CAGE1: variants seen among roughly 807,000 people sequenced by gnomAD.
CAGE1 encodes cancer antigen 1.
Under a neutral mutation model 94.9 loss-of-function variants are expected in CAGE1, and 66 were observed. The observed-to-expected ratio is 0.70, with a 90% CI of 0.57 to 0.85. The LOEUF (loss-of-function observed/expected upper bound fraction) is 0.85. CAGE1 is among the 40% of genes least tolerant of loss of function. The pLI, the probability that CAGE1 is intolerant of heterozygous loss-of-function variation, is 0.00. For synonymous variants in CAGE1, 319 were observed against 321.0 expected (o/e 0.99, Z 0.07); for missense variants, 865 against 950.4 (o/e 0.91, Z 1.18).
intron 9 of CAGE1, among the ~76,000 whole-genome samples, chr6:7,364,068 CT>C (rs745990646): frequency 1.2e-4 from 19 of 152,218 alleles, no homozygotes; most frequent in Non-Finnish European, 2.4e-4. Flanking sequence ...CCAGCTCCCA[CT>C]GCTGGGAACA....
chr6:7,364,904 A>C (rs1377058733), intron 9 of CAGE1, among the ~76,000 whole-genome samples: 1 of 152,248 alleles, frequency 6.6e-6, no homozygotes, highest in East Asian at 1.9e-4. Context: ...CATTTAAAAA[A>C]TATGATGGTA....
At position 7,365,538 on chromosome 6, in the gene CAGE1, C is replaced by T. The variant is rs375800106; in HGVS notation, c.2123G>A (p.Arg708Lys). 4.3e-6 allele frequency: 7 copies of T among 1,612,320 alleles called. No individual in the cohort carries two copies. The highest frequency in any genetic ancestry group is 5.9e-6 in the Non-Finnish European group (7 of 1,178,652). Residue 708 changes from arginine to lysine, a missense_variant, in exon 9 of 14, where the codon AGA becomes AAA. Physicochemically the swap from Arg to Lys is conservative, Grantham distance 26 (BLOSUM62 2). Coordinates refer to ENST00000502583, the MANE Select transcript of CAGE1 (RefSeq NM_001170692.2). ...DCDSDEAKSI[R>K]DVPTLLGAKL... ...GGCTCCCAGAAGGGTAGGTACATCT[C>T]TGATACTCTTGGCTTCATCTGAATC...
chr6:7,365,601 CT>C, intron 8 of CAGE1, 26 bp from the exon 9 acceptor site: 1 of 1,589,708 alleles, frequency 6.3e-7, no homozygotes, highest in Non-Finnish European at 8.6e-7. Context: ...TTTGTTCTCA[CT>C]TTCAATCATT....
chr6:7,347,515 T>TGGGGGGGGGGGGGGGGG (rs1561853738), intron 11 of CAGE1: 2 of 15,350 alleles, frequency 1.3e-4, no homozygotes, highest in Non-Finnish European at 1.2e-4. Flanking sequence ...GGGGGGGGGG[T>TGGGGGGGGGGGGGGGGG]TGGGGGGGGC....
rs753524421 is a variant in CAGE1 at position 7,373,490 on chromosome 6, T to TTCTTGC, written c.1328_1329insGCAAGA (p.Lys443_Thr444insGlnGlu). On this transcript the variant is annotated inframe_insertion, in exon 5 of 14. Coordinates refer to ENST00000502583, the MANE Select transcript of CAGE1 (RefSeq NM_001170692.2). ...CCTCTTCTTCTTTCTTGCTTAAGGT[T>TTCTTGC]TTGTCCATCTCTAAATACTGACTTA... 3.7e-6 allele frequency: 6 copies of TTCTTGC among 1,613,930 alleles called. No individual in the cohort carries two copies. The East Asian group carries it at 1.3e-4, about 36-fold the overall frequency.
intron 13 of CAGE1, 138 bp from the exon 14 acceptor site, chr6:7,327,037 A>T (rs1055461440): frequency 1.5e-6 from 1 of 675,872 alleles, no homozygotes; most frequent in Non-Finnish European, 2.7e-6. Flanking sequence ...AATTCCACAG[A>T]TAATACCAAC....
chr6:7,360,871 C>T (rs2714329), intron 9 of CAGE1, among the ~76,000 whole-genome samples: 2,412 of 151,970 alleles, frequency 0.016, 85 homozygotes, highest in African/African-American at 0.055. Context: ...CACTTGAACC[C>T]GGGAGGTGGA....
chr6:7,337,875 A>C (rs1481773602), intron 11 of CAGE1, among the ~76,000 whole-genome samples: 3 of 152,176 alleles, frequency 2.0e-5, no homozygotes, highest in Admixed American at 6.5e-5. Context: ...CAGCTTGTTA[A>C]GTTTATTTAA....
Position 7,344,317 on chromosome 6 carries a change from C to A in CAGE1, c.2370-10227G>T, listed in dbSNP as rs532130384. The stretch of plus-strand genomic sequence containing the variant: ...TGGCGGGTCCCGCACTCGGAGCAGC[C>A]AGCCGGCCCTGCCAGCCCGGGCAAT... On this transcript the variant is annotated intron_variant, in intron 11 of 13. Transcript: ENST00000502583. Among the ~76,000 whole-genome samples, 12 of 152,350 alleles carry A rather than the reference C, an allele frequency of 7.9e-5. No individual in the cohort carries two copies. In the South Asian group the frequency reaches 2.5e-3, roughly 32 times the overall value.
At chr6:7,382,132 C>T (rs1760956426) in intron 3 of CAGE1, among the ~76,000 whole-genome samples, 1 of 152,114 alleles carries the variant, frequency 6.6e-6, no homozygotes. Flanking sequence ...GCCACCGTGC[C>T]CAGCCATTAT....
At chr6:7,359,564 C>T (rs1011574462) in intron 9 of CAGE1, among the ~76,000 whole-genome samples, 9 of 152,170 alleles carry the variant, frequency 5.9e-5, no homozygotes, top group African/African-American at 1.7e-4. Context: ...CAGCAACAGA[C>T]ATTTGACATA....
In CAGE1 at chr6:7,378,772, G is replaced by A. The variant is rs1002747017; in HGVS notation, c.532C>T (p.Leu178Phe). 3 of 1,613,822 alleles carry A rather than the reference G, an allele frequency of 1.9e-6. No individual in the cohort carries two copies. Among genetic ancestry groups the A allele is most frequent in the African/African-American group, 2.7e-5 (2 of 74,908 alleles). Residue 178 changes from leucine to phenylalanine, a missense_variant, in exon 4 of 14, where the codon CTT becomes TTT. Leu to Phe is a conservative substitution (Grantham distance 22). Coordinates refer to ENST00000502583, the MANE Select transcript of CAGE1 (RefSeq NM_001170692.2). ...ETSVSANTDQ[L>F]GNEYFRQPPP... ...GGCTGTCTAAAATACTCGTTACCAA[G>A]TTGGTCTGTATTTGCAGAAACACTA...
At chr6:7,334,243 C>T (rs1277414469) in intron 11 of CAGE1, among the ~76,000 whole-genome samples, 153 bp from the exon 12 acceptor site, 1 of 152,192 alleles carries the variant, frequency 6.6e-6, no homozygotes, top group Non-Finnish European at 1.5e-5. Context: ...ACTTGGGATT[C>T]TTTCCTAGCA....
At chr6:7,355,168 T>A in intron 10 of CAGE1, 57 bp from the exon 11 acceptor site, 1 of 1,266,896 alleles carries the variant, frequency 7.9e-7, no homozygotes, top group East Asian at 2.4e-5. Context: ...TATTTTTTTC[T>A]TTTTTATGAC....
chr6:7,349,703 C>T (rs552246926), intron 11 of CAGE1, among the ~76,000 whole-genome samples: 26 of 152,126 alleles, frequency 1.7e-4, no homozygotes, highest in Non-Finnish European at 3.2e-4. Context: ...GAGGCCAAGG[C>T]GGGTGGACCA....
chr6:7,335,722 A>G (rs938899322), intron 11 of CAGE1, among the ~76,000 whole-genome samples: 1 of 152,192 alleles, frequency 6.6e-6, no homozygotes, highest in African/African-American at 2.4e-5. Flanking sequence ...CTGCAGGTGC[A>G]TGCCACCACA....
Position 7,389,650 on chromosome 6 carries a change from C to G in CAGE1, c.-472G>C, listed in dbSNP as rs2113489880. The G allele has an allele frequency of 2.5e-6, 1 of 392,950 alleles. No homozygotes were observed. Among genetic ancestry groups the G allele is most frequent in the East Asian group, 5.4e-5 (1 of 18,522 alleles). 24.3% of individuals were successfully genotyped at this position (392,950 alleles called of 1,614,324 possible). A position where few individuals can be genotyped will look rare whatever the true frequency, so the allele number is the denominator to read the frequency against. On this transcript the variant is annotated 5_prime_UTR_variant, in exon 1 of 14. Coordinates refer to ENST00000502583, the MANE Select transcript of CAGE1 (RefSeq NM_001170692.2). ...AACGAAAACTCCGGGAAGAAACGGC[C>G]AGCACGGGCCTCGCCGTGCCGGCTA...
intron 3 of CAGE1, 143 bp downstream of exon 3, chr6:7,385,641 AT>A (rs1306963971): frequency 6.9e-6 from 3 of 435,730 alleles, no homozygotes; most frequent in Middle Eastern, 3.8e-4. Flanking sequence ...ATTTTTTAAA[AT>A]TCTTATTTCA....
intron 3 of CAGE1, among the ~76,000 whole-genome samples, chr6:7,383,729 A>G (rs1367451134): frequency 6.6e-6 from 1 of 152,200 alleles, no homozygotes; most frequent in Non-Finnish European, 1.5e-5. Context: ...ATGAAATTGC[A>G]TTAATCAATA....
Sources: allele counts gnomAD v4.1 joint callset (sites outside exome capture counted in the v4.1 genomes callset), GRCh38; gene constraint gnomAD v4.1.1; transcripts MANE v1.5; gene names NCBI Gene and HGNC (gene_info 2026-07-23, HGNC 2026-07-21).